The following ADGRG1 variants were observed in gnomAD, a reference collection of about 807,000 sequenced individuals.
ADGRG1 encodes 7-transmembrane protein with no EGF-like N-terminal domains-1.
ADGRG1 carries 53 observed loss-of-function variants against 73.5 expected under a neutral mutation model. The observed-to-expected ratio is 0.72, with a 90% CI of 0.58 to 0.91. The LOEUF (loss-of-function observed/expected upper bound fraction) is 0.91, where lower values mean the gene tolerates loss of function less well. ADGRG1 is among the 40% of genes least tolerant of loss of function. The pLI, the probability that ADGRG1 is intolerant of heterozygous loss-of-function variation, is 0.00. For missense variants in ADGRG1, 795 were observed against 871.8 expected, an observed-to-expected ratio of 0.91 and a Z score of 1.11; for synonymous variants, 394 against 374.4, an observed-to-expected ratio of 1.05 and a Z score of -0.60.
upstream of ADGRG1, among the ~76,000 whole-genome samples, chr16:57,625,374 T>C (rs1197411199): frequency 4.6e-5 from 7 of 152,138 alleles, no homozygotes; most frequent in African/African-American, 1.7e-4. Flanking sequence ...CCCCGATTCT[T>C]CAGGGACGTT....
At position 57,629,236 on chromosome 16, in the gene ADGRG1, G is replaced by C. The variant is rs538606440; in HGVS notation, c.-36+434G>C. 14 of 930,630 alleles carry C rather than the reference G, an allele frequency of 1.5e-5. No individual in the cohort carries two copies. The South Asian group carries it at 3.9e-4, about 26-fold the overall frequency. 57.6% of individuals were successfully genotyped at this position (930,630 alleles called of 1,614,324 possible). A position where few individuals can be genotyped will look rare whatever the true frequency, so the allele number is the denominator to read the frequency against. On this transcript the variant is annotated intron_variant, in intron 1 of 13. Transcript: ENST00000562631. ...ATGGCTGTGGGTGGGTCTCTAGAGT[G>C]GGGGCGGACCCACAAGGAGATGCCT... is the stretch of plus-strand genomic sequence containing the variant.
chr16:57,628,366 C>T (rs112180199), upstream of ADGRG1: 505 of 381,158 alleles, frequency 1.3e-3, 3 homozygotes, highest in African/African-American at 0.01. Context: ...GAGTGATCCC[C>T]GGCCCCTTCC....
In ADGRG1 at chr16:57,657,574, A is replaced by G; in HGVS notation, c.1286+83A>G. ...CAGGGCGCCGCACACATCTCCGGTC[A>G]TGGCCCGCCCGCATGACCTGGAACT... On this transcript the variant is annotated intron_variant, in intron 10 of 13. Transcript: ENST00000562631. 5.7e-6 allele frequency: 6 copies of G among 1,054,278 alleles called. No individual in the cohort carries two copies. The Middle Eastern group carries it at 1.2e-3, about 213-fold the overall frequency. The allele number at this position is 1,054,278 out of a possible 1,614,324, so 65.3% of individuals were successfully genotyped here.
upstream of ADGRG1, chr16:57,624,798 CCTCT>C (rs2147032214): frequency 1.5e-6 from 1 of 678,332 alleles, no homozygotes; most frequent in Admixed American, 6.3e-5. Context: ...CCGGCAGCCT[CCTCT>C]CTACCTCCTT....
At chr16:57,627,832 G>A (rs561091576), upstream of ADGRG1, 11 of 985,434 alleles carry the variant, frequency 1.1e-5, no homozygotes, top group African/African-American at 1.6e-4. Flanking sequence ...AGGTGCTGCT[G>A]ACAGAGGAAT....
intron 1 of ADGRG1, chr16:57,631,519 A>T (rs1428958804): frequency 1.0e-6 from 1 of 985,316 alleles, no homozygotes; most frequent in Non-Finnish European, 1.2e-6. Flanking sequence ...AAACCCCAGC[A>T]CCACCTCCTC....
intron 1 of ADGRG1, chr16:57,639,640 A>C: frequency 4.1e-6 from 4 of 985,530 alleles, no homozygotes; most frequent in Non-Finnish European, 4.8e-6. Context: ...TAATGTATCT[A>C]TAGTCTGCCT....
Position 57,654,142 on chromosome 16 carries a change from C to T in ADGRG1, c.768+9C>T. ...TCCACTCCCGGCAGGAGGTCAGGGG[C>T]AGGCCTGGGCAGGAAGCAGATGCGG... On this transcript the variant is annotated intron_variant, in intron 5 of 13. Coordinates refer to ENST00000562631, the MANE Select transcript of ADGRG1 (RefSeq NM_201525.4). 1 of 1,608,970 alleles carries T rather than the reference C, an allele frequency of 6.2e-7. No homozygotes were observed. The highest frequency in any genetic ancestry group is 8.5e-7 in the Non-Finnish European group (1 of 1,179,186).
At chr16:57,650,709 CTTT>C (rs533496874) in intron 2 of ADGRG1, among the ~76,000 whole-genome samples, 2 of 128,930 alleles carry the variant, frequency 1.6e-5, no homozygotes, top group Non-Finnish European at 1.6e-5. Flanking sequence ...TCAGTTTCCT[CTTT>C]TTTTTTTTTT....
intron 1 of ADGRG1, chr16:57,635,469 T>C: frequency 1.0e-6 from 1 of 985,432 alleles, no homozygotes; most frequent in African/African-American, 1.7e-5. Context: ...GGACAGCCAG[T>C]GTCTCTTCAT....
chr16:57,653,359 G>C (rs752817036), intron 4 of ADGRG1, 24 bp downstream of exon 4: 1 of 1,604,624 alleles, frequency 6.2e-7, no homozygotes, highest in South Asian at 1.1e-5. Context: ...CTGGGGCTGT[G>C]AGGGGAGGCA....
upstream of ADGRG1, chr16:57,628,605 A>G (rs1273964043): frequency 1.0e-6 from 1 of 985,384 alleles, no homozygotes; most frequent in Non-Finnish European, 1.2e-6. Context: ...TCTCCCCACC[A>G]AACAAACCCG....
Position 57,654,149 on chromosome 16 carries a change from G to A in ADGRG1, c.768+16G>A, listed in dbSNP as rs1332060935. ...CCGGCAGGAGGTCAGGGGCAGGCCT[G>A]GGCAGGAAGCAGATGCGGGTTGGGC... On this transcript the variant is annotated intron_variant, in intron 5 of 13. Transcript: ENST00000562631. 6.2e-7 allele frequency: 1 copy of A among 1,608,246 alleles called. No individual in the cohort carries two copies. The highest frequency in any genetic ancestry group is 1.7e-5 in the Admixed American group (1 of 59,974).
upstream of ADGRG1, chr16:57,622,831 G>T (rs541762639): frequency 5.1e-6 from 5 of 985,180 alleles, no homozygotes; most frequent in African/African-American, 7.0e-5. Flanking sequence ...TGCCTTCCCC[G>T]CTGGGGAGGT....
intron 1 of ADGRG1, chr16:57,629,015 ACT>A (rs1411267320): frequency 1.4e-4 from 65 of 480,462 alleles, no homozygotes; most frequent in Non-Finnish European, 1.6e-4. Flanking sequence ...TGAGAGTGTG[ACT>A]GAGCGTTTGA....
intron 1 of ADGRG1, chr16:57,645,419 G>A (rs1157631355): frequency 2.6e-6 from 2 of 767,620 alleles, no homozygotes; most frequent in South Asian, 5.9e-5. Context: ...TGTCTTTCAG[G>A]AAGCCCCTTC....
chr16:57,647,532 T>C, intron 1 of ADGRG1: 1 of 699,106 alleles, frequency 1.4e-6, no homozygotes, highest in South Asian at 6.4e-5. Context: ...GACCTTTGAG[T>C]GAGGTTGACT....
In ADGRG1 at chr16:57,657,441, C is replaced by T. The variant is rs768769972; in HGVS notation, c.1236C>T (p.Val412=). Residue 412 remains valine (V), a synonymous_variant, in exon 10 of 14, where the codon GTC becomes GTT. Transcript: ENST00000562631. ...YLSLLSYVGC[V]VSALACLVTI... ...GCCTCCTCTCCTACGTGGGCTGTGT[C>T]GTCTCTGCCCTGGCCTGCCTTGTCA... The T allele has an allele frequency of 3.7e-5, 59 of 1,614,024 alleles. 1 individual carries two copies. In the Admixed American group the frequency reaches 3.8e-4, roughly 10 times the overall value.
chr16:57,656,458 C>T (rs1177133546), intron 8 of ADGRG1, 56 bp from the exon 9 acceptor site: 1 of 1,583,870 alleles, frequency 6.3e-7, no homozygotes, highest in African/African-American at 1.3e-5. Flanking sequence ...GGGGTGGACA[C>T]AGTGGGGTCC....
Sources: gnomAD v4.1 joint callset for allele counts (sites outside exome capture counted in the v4.1 genomes callset) on GRCh38, gnomAD v4.1.1 for gene constraint, MANE v1.5 for transcripts, NCBI Gene and HGNC (gene_info 2026-07-23, HGNC 2026-07-21) for gene names.